The following AGBL4 variants were observed in gnomAD, a reference collection of about 807,000 sequenced individuals.
AGBL4 encodes the protein AGBL carboxypeptidase 4.
In AGBL4, 58 loss-of-function variants were observed where a neutral mutation model predicts 66.4. The observed-to-expected ratio is 0.87, with a 90% CI of 0.71 to 1.09. The LOEUF (loss-of-function observed/expected upper bound fraction) is 1.09, where lower values mean the gene tolerates loss of function less well. Among genes scored for constraint, AGBL4 ranks in the 50% least tolerant of loss-of-function variants. The pLI is 0.00. For synonymous variants in AGBL4, 234 were observed against 222.9 expected (o/e 1.05, Z -0.44); for missense variants, 579 against 631.0 (o/e 0.92, Z 0.88).
At chr1:49,530,394 A>C (rs1651044769) in intron 3 of AGBL4, among the ~76,000 whole-genome samples, 1 of 151,574 alleles carries the variant, frequency 6.6e-6, no homozygotes, top group South Asian at 2.1e-4. Flanking sequence ...GCACCCATTA[A>C]CTCTTCATTT....
At chr1:49,421,854 C>T (rs1397451339) in intron 3 of AGBL4, among the ~76,000 whole-genome samples, 1 of 151,986 alleles carries the variant, frequency 6.6e-6, no homozygotes, top group Non-Finnish European at 1.5e-5. Context: ...TTTTAACTTC[C>T]TTCCCTCCTG....
chr1:49,559,476 G>A (rs1296610069), intron 3 of AGBL4, among the ~76,000 whole-genome samples: 1 of 152,128 alleles, frequency 6.6e-6, no homozygotes, highest in Non-Finnish European at 1.5e-5. Flanking sequence ...GTTTCTGAGG[G>A]TCTTCCCAGA....
chr1:49,903,071 T>C (rs1378983431), intron 1 of AGBL4, among the ~76,000 whole-genome samples: 2 of 152,086 alleles, frequency 1.3e-5, no homozygotes, highest in South Asian at 2.1e-4. Context: ...CTATTCACAA[T>C]AGCAAAGACA....
At chr1:49,281,884 T>A (rs139694232) in intron 3 of AGBL4, among the ~76,000 whole-genome samples, 24 of 152,342 alleles carry the variant, frequency 1.6e-4, no homozygotes, top group Admixed American at 1.4e-3. Context: ...CAGTTATATA[T>A]GTTTCCCACA....
chr1:49,942,851 T>A (rs1654892200), intron 1 of AGBL4, among the ~76,000 whole-genome samples: 1 of 152,070 alleles, frequency 6.6e-6, no homozygotes, highest in South Asian at 2.1e-4. Flanking sequence ...ATCAAAAAAA[T>A]CAACTGAGTG....
intron 11 of AGBL4, among the ~76,000 whole-genome samples, chr1:48,569,296 T>A (rs1644523404): frequency 6.6e-6 from 1 of 152,226 alleles, no homozygotes; most frequent in Non-Finnish European, 1.5e-5. Flanking sequence ...AAGCAATGTC[T>A]TACTCATCTT....
chr1:49,375,533 T>C (rs1156538622), intron 3 of AGBL4, among the ~76,000 whole-genome samples: 2 of 152,072 alleles, frequency 1.3e-5, no homozygotes, highest in African/African-American at 2.4e-5. Flanking sequence ...TATTAATACA[T>C]AATGACTCTT....
intron 3 of AGBL4, among the ~76,000 whole-genome samples, chr1:49,356,855 C>G (rs762756190): frequency 6.6e-6 from 1 of 152,084 alleles, no homozygotes; most frequent in Non-Finnish European, 1.5e-5. Flanking sequence ...ATAGAATAAC[C>G]ACTTCCTAAC....
chr1:49,229,043 C>T lies in AGBL4; in HGVS notation c.377+16727G>A, dbSNP rs76504625. On this transcript the variant is annotated intron_variant, in intron 4 of 13. Transcript: ENST00000371839. ...CCAAACACACCATGCTGTCTCATGC[C>T]TTTGCAATACCCTTCCCGTTGCCAG... Among the ~76,000 whole-genome samples the T allele has an allele frequency of 7.8e-3, 1,181 of 152,284 alleles. 9 individuals carry two copies. The highest frequency in any genetic ancestry group is 0.027 in the Middle Eastern group (8 of 294).
At chr1:49,233,947 C>T (rs1433891471) in intron 4 of AGBL4, among the ~76,000 whole-genome samples, 3 of 152,142 alleles carry the variant, frequency 2.0e-5, no homozygotes, top group Non-Finnish European at 2.9e-5. Context: ...ACGCCACTTT[C>T]AGTACTACTA....
intron 3 of AGBL4, among the ~76,000 whole-genome samples, chr1:49,586,726 C>G (rs749563042): frequency 2.6e-5 from 4 of 152,108 alleles, no homozygotes; most frequent in Non-Finnish European, 5.9e-5. Context: ...GTTAAAGCAG[C>G]ACCTCCATGA....
chr1:49,688,155 G>A (rs1158339750), intron 3 of AGBL4, among the ~76,000 whole-genome samples: 1 of 151,998 alleles, frequency 6.6e-6, no homozygotes, highest in Non-Finnish European at 1.5e-5. Context: ...CAAATACTAG[G>A]TCTTATTCAT....
rs376443097 is a variant in AGBL4 at position 48,653,404 on chromosome 1, G to A, written c.772C>T (p.Arg258Trp). The change falls in exon 8 of 14, where the codon CGG becomes TGG. Residue 258 changes from arginine (R) to tryptophan (W), a missense_variant. Coordinates refer to ENST00000371839, the MANE Select transcript of AGBL4 (RefSeq NM_032785.4). ...VSQHPIACVL[R>W]EYLVFKIAPM... ...GCGATCTTGAAGACCAGGTATTCCC[G>A]GAGGACACAGGCAATAGGGTGCTGG... is the stretch of plus-strand genomic sequence containing the variant. The A allele has an allele frequency of 2.6e-5, 42 of 1,588,632 alleles. No homozygotes were observed. In the African/African-American group the frequency reaches 3.1e-4, roughly 12 times the overall value.
At chr1:49,325,664 C>T (rs1164603346) in intron 3 of AGBL4, among the ~76,000 whole-genome samples, 1 of 152,152 alleles carries the variant, frequency 6.6e-6, no homozygotes, top group East Asian at 1.9e-4. Context: ...GGAAATTATA[C>T]TTAGGAACTT....
chr1:49,448,009 T>G (rs554958042), intron 3 of AGBL4, among the ~76,000 whole-genome samples: 1 of 152,064 alleles, frequency 6.6e-6, no homozygotes, highest in African/African-American at 2.4e-5. Flanking sequence ...AGAAGGAGCA[T>G]AGATGCTATG....
At chr1:49,409,601 G>C (rs557012936) in intron 3 of AGBL4, among the ~76,000 whole-genome samples, 1 of 151,890 alleles carries the variant, frequency 6.6e-6, no homozygotes, top group African/African-American at 2.4e-5. Context: ...AGTCAGATAG[G>C]GCTTCATTTA....
At chr1:49,552,892 A>G (rs1332213762) in intron 3 of AGBL4, among the ~76,000 whole-genome samples, 7 of 152,252 alleles carry the variant, frequency 4.6e-5, no homozygotes, top group African/African-American at 1.7e-4. Context: ...CTACTCTTAG[A>G]ATCATATTTC....
chr1:49,914,472 T>C (rs547135887), intron 1 of AGBL4, among the ~76,000 whole-genome samples: 1 of 152,332 alleles, frequency 6.6e-6, no homozygotes, highest in South Asian at 2.1e-4. Flanking sequence ...TCTATATATC[T>C]ACCAAAATTC....
At chr1:49,144,526 T>TACACACAC (rs58163314) in intron 4 of AGBL4, among the ~76,000 whole-genome samples, 155 of 146,098 alleles carry the variant, frequency 1.1e-3, no homozygotes, top group Non-Finnish European at 1.3e-3. Flanking sequence ...TTACCTAATC[T>TACACACAC]ACACACACAC....
Sources: allele counts gnomAD v4.1 joint callset (sites outside exome capture counted in the v4.1 genomes callset), GRCh38; gene constraint gnomAD v4.1.1; transcripts MANE v1.5; gene names NCBI Gene and HGNC (gene_info 2026-07-23, HGNC 2026-07-21).